Variants in VCAN observed in about 807,000 individuals in gnomAD.
The protein encoded by VCAN is versican core protein.
Under a neutral mutation model 245.5 loss-of-function variants are expected in VCAN, and 44 were observed. The ratio of observed to expected loss-of-function variants is 0.18; its 90% CI spans 0.14 to 0.23. VCAN has a LOEUF of 0.23. Among genes scored for constraint, VCAN ranks in the 10% least tolerant of loss-of-function variants. The pLI is 1.00. For synonymous variants in VCAN, 1,413 were observed against 1,437.0 expected (o/e 0.98, Z 0.38); for missense variants, 3,793 against 4,057.9 (o/e 0.93, Z 1.77).
chr5:83,553,624 T>C (rs1336061624), intron 11 of VCAN, 102 bp downstream of exon 11: 1 of 1,462,824 alleles, frequency 6.8e-7, no homozygotes, highest in Non-Finnish European at 9.4e-7. Context: ...TCAATCATAA[T>C]ACAACTTATC....
Position 83,521,429 on chromosome 5 carries a change from T to C in VCAN, c.3123T>C (p.Thr1041=), listed in dbSNP as rs1746093954. Residue 1041 remains threonine, a synonymous_variant, in exon 7 of 15, where the codon ACT becomes ACC. Transcript: ENST00000265077. ...TQEEFPWKEQ[T]AEKPVPALSS... ...AAGAATTCCCTTGGAAAGAACAGAC[T>C]GCAGAGAAACCAGTTCCTGCTCTCA... is the stretch of plus-strand genomic sequence containing the variant. 2 of 1,614,036 alleles carry C rather than the reference T, an allele frequency of 1.2e-6. No individual in the cohort carries two copies. Among genetic ancestry groups the C allele is most frequent in the Non-Finnish European group, 8.5e-7 (1 of 1,180,018 alleles).
chr5:83,567,272 C>T (rs749046767), intron 12 of VCAN, among the ~76,000 whole-genome samples: 5 of 151,646 alleles, frequency 3.3e-5, no homozygotes, highest in African/African-American at 1.2e-4. Flanking sequence ...TCTGAGTTGG[C>T]TTTCCTCTAC....
chr5:83,580,485 T>A lies in VCAN; in HGVS notation c.*51T>A, dbSNP rs748602655. ...TCATCATTTCAGCCAAAGTCCTAACTTCCTGTGCCTTTCCTATCACCTCGA... is the reference window on the plus strand; with the variant it reads ...TCATCATTTCAGCCAAAGTCCTAACATCCTGTGCCTTTCCTATCACCTCGA... On this transcript the variant is annotated 3_prime_UTR_variant, in exon 15 of 15. Coordinates refer to ENST00000265077, the MANE Select transcript of VCAN (RefSeq NM_004385.5). The A allele has an allele frequency of 2.5e-6, 4 of 1,609,502 alleles. No individual in the cohort carries two copies. The Admixed American group carries it at 6.7e-5, about 27-fold the overall frequency.
At chr5:83,496,287 A>G (rs1745159677) in intron 5 of VCAN, among the ~76,000 whole-genome samples, 1 of 152,178 alleles carries the variant, frequency 6.6e-6, no homozygotes, top group Non-Finnish European at 1.5e-5. Context: ...TTCCATAAAC[A>G]CAATCACTTC....
chr5:83,523,303 C>A (rs897723947), intron 7 of VCAN, among the ~76,000 whole-genome samples: 2 of 151,956 alleles, frequency 1.3e-5, no homozygotes, highest in African/African-American at 4.8e-5. Flanking sequence ...AAATTACGAT[C>A]ATGGATTTTA....
rs1432855353 is a variant in VCAN, at chr5:83,541,966, C to T, written c.8963C>T (p.Ala2988Val). The T allele has an allele frequency of 5.0e-6, 8 of 1,613,854 alleles. No homozygotes were observed. Among genetic ancestry groups the T allele is most frequent in the Non-Finnish European group, 6.8e-6 (8 of 1,179,948 alleles). The change falls in exon 8 of 15, where the codon GCA becomes GTA. Residue 2988 changes from alanine to valine, a missense_variant. This residue lies in a region of VCAN where 3,182 missense variants were observed against 3,250.3 expected (regional missense o/e 0.98). Transcript: ENST00000265077. ...GCTTCTGCCACCTATGGGGTCGAGG[C>T]AGGTGTGGTGCCTTGGCTAAGTCCA... is the stretch of plus-strand genomic sequence containing the variant. Reference protein sequence around the residue: ...TSASATYGVEAGVVPWLSPQT... With the variant: ...TSASATYGVEVGVVPWLSPQT...
intron 12 of VCAN, among the ~76,000 whole-genome samples, chr5:83,565,494 T>G (rs1275560215): frequency 6.6e-6 from 1 of 152,034 alleles, no homozygotes; most frequent in Non-Finnish European, 1.5e-5. Context: ...TTTTGTCTAG[T>G]GTCTATGAAA....
At chr5:83,477,872 A>G (rs764396648) in intron 1 of VCAN, among the ~76,000 whole-genome samples, 15 of 152,154 alleles carry the variant, frequency 9.9e-5, no homozygotes, top group Non-Finnish European at 5.9e-5. Context: ...TAATTAAATA[A>G]ATAGTAATTA....
At position 83,551,511 on chromosome 5, in the gene VCAN, C is replaced by CA. The variant is rs1161281529; in HGVS notation, c.9494-1845dup. Among the ~76,000 whole-genome samples the CA allele has an allele frequency of 1.6e-4, 24 of 147,998 alleles. No homozygotes were observed. In the South Asian group the frequency reaches 4.7e-3, roughly 29 times the overall value. On this transcript the variant is annotated intron_variant, in intron 10 of 14. Coordinates refer to ENST00000265077, the MANE Select transcript of VCAN (RefSeq NM_004385.5). ...TGGGTGACAAAGCGAGACTCCACCA[C>CA]AAAAAAAATAAAAAATAAAAAAGAC...
In VCAN at chr5:83,490,453, G is replaced by A. The variant is rs35031282; in HGVS notation, c.426G>A (p.Thr142=). 5,072 of 1,614,020 alleles carry A rather than the reference G, an allele frequency of 3.1e-3. 127 individuals carry two copies. The African/African-American group carries it at 0.058, about 18-fold the overall frequency. The change falls in exon 3 of 15, where the codon ACG becomes ACA. Residue 142 remains threonine (T), a synonymous_variant. Transcript: ENST00000265077. ...VMYGIEDTQD[T]VSLTVDGVVF... Reference sequence around the variant, plus strand: ...ACGGGATTGAAGACACACAAGACACGGTGTCACTGACTGTGGATGGTAAGG... The same window carrying A: ...ACGGGATTGAAGACACACAAGACACAGTGTCACTGACTGTGGATGGTAAGG...
At chr5:83,495,034 A>G (rs1195577729) in intron 5 of VCAN, among the ~76,000 whole-genome samples, 1 of 152,204 alleles carries the variant, frequency 6.6e-6, no homozygotes, top group Non-Finnish European at 1.5e-5. Context: ...AGTTTCTACA[A>G]CTTTTGAAAT....
intron 5 of VCAN, among the ~76,000 whole-genome samples, chr5:83,494,781 T>C (rs1745106307): frequency 6.6e-6 from 1 of 152,078 alleles, no homozygotes. Context: ...GGTGAAACCA[T>C]GTCTCTACAT....
intron 6 of VCAN, among the ~76,000 whole-genome samples, chr5:83,513,895 A>G (rs1405123255): frequency 2.6e-5 from 4 of 152,186 alleles, no homozygotes; most frequent in African/African-American, 9.7e-5. Context: ...AACGAATAGA[A>G]TTATCCAGCC....
Position 83,537,571 on chromosome 5 carries a change from C to T in VCAN, c.4568C>T (p.Thr1523Ile), listed in dbSNP as rs1746773017. ...GCCAAAAAAGGGGCAGAATCAGTCACAGAGAGAGATACTGAAGTTGGTCAT... is the reference window on the plus strand; with the variant it reads ...GCCAAAAAAGGGGCAGAATCAGTCATAGAGAGAGATACTGAAGTTGGTCAT... Reference protein sequence around the residue: ...GTAKKGAESVTERDTEVGHQA... With the variant: ...GTAKKGAESVIERDTEVGHQA... Residue 1523 changes from threonine (T) to isoleucine (I), a missense_variant, in exon 8 of 15, where the codon ACA becomes ATA. Physicochemically the swap from Thr to Ile is moderately conservative, Grantham distance 89. Around this residue, in one of 5 missense-constraint regions of VCAN, gnomAD observed 3,182 missense variants for 3,250.3 expected, o/e 0.98. Coordinates refer to ENST00000265077, the MANE Select transcript of VCAN (RefSeq NM_004385.5). The T allele has an allele frequency of 6.2e-7, 1 of 1,613,746 alleles. No homozygotes were observed. The highest frequency in any genetic ancestry group is 8.5e-7 in the Non-Finnish European group (1 of 1,179,860).
chr5:83,473,757 AAAAC>A (rs1744285330), intron 1 of VCAN, among the ~76,000 whole-genome samples: 1 of 152,314 alleles, frequency 6.6e-6, no homozygotes, highest in African/African-American at 2.4e-5. Context: ...CAGGCGGAGA[AAAAC>A]AAGCCCCCCA....
Position 83,538,874 on chromosome 5 carries a change from A to G in VCAN, c.5871A>G (p.Glu1957=). Residue 1957 remains glutamate, a synonymous_variant, in exon 8 of 15, where the codon GAA becomes GAG. Coordinates refer to ENST00000265077, the MANE Select transcript of VCAN (RefSeq NM_004385.5). ...PIAKEETVMM[E]GSGDAAFRDT... is the part of the protein sequence containing the mutation. ...CAAAAGAAGAAACGGTAATGATGGAAGGCTCTGGAGATGCAGCATTTAGGG... is the reference window on the plus strand; with the variant it reads ...CAAAAGAAGAAACGGTAATGATGGAGGGCTCTGGAGATGCAGCATTTAGGG... 6.2e-7 allele frequency: 1 copy of G among 1,614,018 alleles called. No homozygotes were observed. Among genetic ancestry groups the G allele is most frequent in the Admixed American group, 1.7e-5 (1 of 59,968 alleles).
In VCAN at chr5:83,541,959, G is replaced by A. The variant is rs984823914; in HGVS notation, c.8956G>A (p.Val2986Ile). ...HSTSASATYG[V>I]EAGVVPWLSP... ...TACTTCTGCTTCTGCCACCTATGGGGTCGAGGCAGGTGTGGTGCCTTGGCT... is the reference window on the plus strand; with the variant it reads ...TACTTCTGCTTCTGCCACCTATGGGATCGAGGCAGGTGTGGTGCCTTGGCT... The change falls in exon 8 of 15, where the codon GTC becomes ATC. Residue 2986 changes from valine to isoleucine, a missense_variant. Physicochemically the swap from Val to Ile is conservative, Grantham distance 29. This residue lies in a region of VCAN where 3,182 missense variants were observed against 3,250.3 expected (regional missense o/e 0.98). Coordinates refer to ENST00000265077, the MANE Select transcript of VCAN (RefSeq NM_004385.5). 1.9e-6 allele frequency: 3 copies of A among 1,613,912 alleles called. No individual in the cohort carries two copies. The highest frequency in any genetic ancestry group is 1.7e-5 in the Admixed American group (1 of 59,990).
intron 8 of VCAN, among the ~76,000 whole-genome samples, chr5:83,545,262 A>G (rs538374871): frequency 7.9e-5 from 12 of 152,336 alleles, no homozygotes; most frequent in African/African-American, 2.9e-4. Context: ...AATCTGCAGT[A>G]GAATATATTA....
chr5:83,489,804 T>C (rs368104626), intron 2 of VCAN, among the ~76,000 whole-genome samples: 116 of 100,352 alleles, frequency 1.2e-3, no homozygotes, highest in African/African-American at 5.6e-3. Context: ...TGACCTCTTA[T>C]GCTTGCCTTT....
Sources: allele counts gnomAD v4.1 joint callset (sites outside exome capture counted in the v4.1 genomes callset), GRCh38; gene constraint gnomAD v4.1.1; regional missense constraint gnomAD v4.1.1; transcripts MANE v1.5; gene names NCBI Gene and HGNC (gene_info 2026-07-23, HGNC 2026-07-21).